Variants in MARCHF1 observed in about 807,000 individuals in gnomAD.
MARCHF1 encodes membrane associated ring-CH-type finger 1.
In MARCHF1, 40 loss-of-function variants were observed where a neutral mutation model predicts 54.2. The observed-to-expected ratio is 0.74, with a 90% confidence interval of 0.57 to 0.96. The LOEUF is 0.96. Ranked by LOEUF, MARCHF1 falls within the 40% of genes least tolerant of loss-of-function variation. MARCHF1 has a pLI of 0.00. For missense variants in MARCHF1, 586 were observed against 656.5 expected, an observed-to-expected ratio of 0.89 and a Z score of 1.17; for synonymous variants, 236 against 236.3, an observed-to-expected ratio of 1.00 and a Z score of 0.01.
intron 1 of MARCHF1, among the ~76,000 whole-genome samples, chr4:164,315,848 G>A (rs533398995): frequency 6.6e-6 from 1 of 152,196 alleles, no homozygotes; most frequent in East Asian, 1.9e-4. Flanking sequence ...CAAAAGAATT[G>A]GCTAAACATC....
intron 3 of MARCHF1, among the ~76,000 whole-genome samples, chr4:163,954,103 A>G (rs1752186692): frequency 6.6e-6 from 1 of 152,208 alleles, no homozygotes; most frequent in African/African-American, 2.4e-5. Context: ...ATTTTTTAAT[A>G]CATAAAGAAA....
chr4:164,184,395 A>T (rs1287250527), intron 1 of MARCHF1, among the ~76,000 whole-genome samples: 1 of 152,190 alleles, frequency 6.6e-6, no homozygotes, highest in Non-Finnish European at 1.5e-5. Context: ...TATTTGGTGA[A>T]TAGTTATCCA....
At chr4:164,300,036 C>A (rs1437547550) in intron 1 of MARCHF1, among the ~76,000 whole-genome samples, 2 of 151,990 alleles carry the variant, frequency 1.3e-5, no homozygotes, top group Non-Finnish European at 1.5e-5. Context: ...CACAAAGAGC[C>A]CTGGGACCTG....
chr4:164,332,760 C>A (rs1042502197), intron 1 of MARCHF1, among the ~76,000 whole-genome samples: 1 of 151,962 alleles, frequency 6.6e-6, no homozygotes, highest in Non-Finnish European at 1.5e-5. Flanking sequence ...GCCAAATCAG[C>A]AACATAAGAT....
At chr4:163,757,987 G>A (rs993289858) in intron 4 of MARCHF1, among the ~76,000 whole-genome samples, 19 of 151,266 alleles carry the variant, frequency 1.3e-4, no homozygotes, top group African/African-American at 2.4e-4. Flanking sequence ...TTCTGTTTAC[G>A]TATAGTAAAA....
At chr4:163,968,455 C>A (rs12499106) in intron 3 of MARCHF1, among the ~76,000 whole-genome samples, 80,649 of 151,910 alleles carry the variant, frequency 0.53, 22,941 homozygotes, top group Middle Eastern at 0.68. Context: ...AATAACAGAC[C>A]TCATGTCTTT....
intron 3 of MARCHF1, among the ~76,000 whole-genome samples, chr4:163,901,590 C>G (rs994189670): frequency 6.6e-6 from 1 of 152,082 alleles, no homozygotes. Context: ...GTTTTCAGCC[C>G]TGGGAATATT....
intron 4 of MARCHF1, among the ~76,000 whole-genome samples, chr4:163,798,757 A>T (rs1357942847): frequency 1.3e-5 from 2 of 152,158 alleles, no homozygotes. Context: ...GACAGCAAGG[A>T]AAGAGACAGA....
intron 1 of MARCHF1, among the ~76,000 whole-genome samples, chr4:164,112,565 T>G (rs7697861): frequency 6.6e-6 from 1 of 151,790 alleles, no homozygotes; most frequent in Non-Finnish European, 1.5e-5. Flanking sequence ...CAGAGTTGTA[T>G]CTGTTTATGA....
chr4:163,956,676 T>A (rs575692452), intron 3 of MARCHF1, among the ~76,000 whole-genome samples: 3 of 152,274 alleles, frequency 2.0e-5, no homozygotes, highest in African/African-American at 7.2e-5. Context: ...CAACACAGTT[T>A]ATGTGTTGAG....
chr4:164,114,006 G>T (rs952818912), intron 1 of MARCHF1, among the ~76,000 whole-genome samples: 6 of 151,764 alleles, frequency 4.0e-5, no homozygotes, highest in African/African-American at 9.7e-5. Context: ...ATTATAATAG[G>T]GTCAAAAAAC....
chr4:163,621,217 A>G (rs1741686342), intron 5 of MARCHF1, among the ~76,000 whole-genome samples: 1 of 152,186 alleles, frequency 6.6e-6, no homozygotes, highest in South Asian at 2.1e-4. Flanking sequence ...CTCCCCACAC[A>G]TGAACTCAAT....
rs1381530105 is a variant in MARCHF1, at chr4:164,272,930, T to C, written c.-323+110940A>G. ...TTACATAGCTATTTTCTTAAGTAGA[T>C]GTATGTACATGATGTATGCACGATT... On this transcript the variant is annotated intron_variant, in intron 1 of 9. Coordinates refer to ENST00000514618, the MANE Select transcript of MARCHF1 (RefSeq NM_001394959.1). 3.9e-5 allele frequency among the ~76,000 whole-genome samples: 6 copies of C among 152,180 alleles called. 1 individual carries two copies. The East Asian group carries it at 1.2e-3, about 29-fold the overall frequency.
chr4:163,656,821 TAG>T (rs1743162575), intron 5 of MARCHF1, among the ~76,000 whole-genome samples: 1 of 151,894 alleles, frequency 6.6e-6, no homozygotes, highest in Non-Finnish European at 1.5e-5. Flanking sequence ...ATTATCTTAA[TAG>T]AGATGTAGAA....
chr4:164,117,289 A>T, intron 1 of MARCHF1, among the ~76,000 whole-genome samples: 1 of 151,950 alleles, frequency 6.6e-6, no homozygotes, highest in Non-Finnish European at 1.5e-5. Context: ...ATAAATAAAC[A>T]ATAGAATAAT....
intron 1 of MARCHF1, among the ~76,000 whole-genome samples, chr4:164,128,276 A>C (rs1225534653): frequency 6.6e-6 from 1 of 152,166 alleles, no homozygotes; most frequent in Non-Finnish European, 1.5e-5. Flanking sequence ...GCAATAAAAG[A>C]AAATGCACAC....
chr4:163,724,195 G>T (rs908715928), intron 4 of MARCHF1, among the ~76,000 whole-genome samples: 9 of 152,176 alleles, frequency 5.9e-5, no homozygotes, highest in Admixed American at 1.3e-4. Flanking sequence ...TGTGCAGATG[G>T]GGTTTTGGTG....
chr4:164,078,418 C>G (rs1325405724), intron 2 of MARCHF1, among the ~76,000 whole-genome samples: 1 of 152,012 alleles, frequency 6.6e-6, no homozygotes, highest in African/African-American at 2.4e-5. Context: ...AGGAGAAATA[C>G]CTAATGTAGA....
At chr4:164,086,620 G>C (rs529322373) in intron 2 of MARCHF1, among the ~76,000 whole-genome samples, 10 of 151,992 alleles carry the variant, frequency 6.6e-5, no homozygotes, top group African/African-American at 2.4e-4. Flanking sequence ...TCCAAAATTG[G>C]TAGAGTTAAT....
Sources: gnomAD v4.1 joint callset for allele counts (sites outside exome capture counted in the v4.1 genomes callset) on GRCh38, gnomAD v4.1.1 for gene constraint, MANE v1.5 for transcripts, NCBI Gene and HGNC (gene_info 2026-07-23, HGNC 2026-07-21) for gene names.